Variants in MACC1 observed in about 807,000 individuals in gnomAD.
MACC1 encodes the protein metastasis-associated in colon cancer protein 1.
In MACC1, 79 loss-of-function variants were observed where a neutral mutation model predicts 70.7. The observed-to-expected ratio is 1.12, with a 90% CI of 0.93 to 1.35. MACC1 has a LOEUF of 1.35. Ranked by LOEUF, MACC1 falls within the 40% of genes most tolerant of loss-of-function variation. MACC1 has a pLI of 0.00. For missense variants in MACC1, 1,106 were observed against 978.1 expected (o/e 1.13, Z -1.74); for synonymous variants, 361 against 347.2 (o/e 1.04, Z -0.44).
At chr7:20,149,049 C>A (rs911084692) in intron 6 of MACC1, among the ~76,000 whole-genome samples, 16 of 152,280 alleles carry the variant, frequency 1.1e-4, no homozygotes, top group African/African-American at 3.6e-4. Flanking sequence ...GCCATGTAAG[C>A]CAGAAAACCA....
At chr7:20,170,540 G>C (rs971870542) in intron 2 of MACC1, 174 bp downstream of exon 2, 1 of 152,162 alleles carries the variant, frequency 6.6e-6, no homozygotes, top group Admixed American at 6.5e-5. Context: ...TCTCTGAAGG[G>C]GAAAATGTAA....
chr7:20,173,812 C>G (rs998385327), intron 1 of MACC1, among the ~76,000 whole-genome samples: 21 of 152,142 alleles, frequency 1.4e-4, no homozygotes, highest in African/African-American at 4.3e-4. Flanking sequence ...GCTGGGGTCA[C>G]TGAGATTGAT....
chr7:20,196,724 G>A (rs1048896090), intron 1 of MACC1, among the ~76,000 whole-genome samples: 1 of 151,984 alleles, frequency 6.6e-6, no homozygotes, highest in Non-Finnish European at 1.5e-5. Context: ...CATTTAAATT[G>A]TTCCAAACAT....
At chr7:20,143,555 A>T (rs1378110513) in intron 6 of MACC1, among the ~76,000 whole-genome samples, 13 of 151,012 alleles carry the variant, frequency 8.6e-5, no homozygotes, top group South Asian at 2.1e-4. Context: ...CGCCCAGCTA[A>T]TTTTTTTGTA....
chr7:20,215,943 A>G (rs1423345435), intron 1 of MACC1, among the ~76,000 whole-genome samples: 1 of 152,222 alleles, frequency 6.6e-6, no homozygotes, highest in Non-Finnish European at 1.5e-5. Context: ...TTTAAAAATG[A>G]GTCATAACTA....
At chr7:20,197,464 T>A (rs896206719) in intron 1 of MACC1, among the ~76,000 whole-genome samples, 1 of 152,240 alleles carries the variant, frequency 6.6e-6, no homozygotes, top group Non-Finnish European at 1.5e-5. Flanking sequence ...TTTTGTGGAA[T>A]CTTAGTGACT....
chr7:20,169,807 T>C (rs1429461962), intron 2 of MACC1, among the ~76,000 whole-genome samples: 1 of 152,208 alleles, frequency 6.6e-6, no homozygotes, highest in Non-Finnish European at 1.5e-5. Context: ...TATCAACATA[T>C]AATAACCCCA....
At chr7:20,213,313 A>G (rs1461003770) in intron 1 of MACC1, among the ~76,000 whole-genome samples, 3 of 152,254 alleles carry the variant, frequency 2.0e-5, no homozygotes, top group Non-Finnish European at 2.9e-5. Flanking sequence ...AGGAACGCTT[A>G]TATGCCATTG....
chr7:20,175,802 A>G (rs1468559561), intron 1 of MACC1, among the ~76,000 whole-genome samples: 2 of 152,164 alleles, frequency 1.3e-5, no homozygotes, highest in African/African-American at 4.8e-5. Flanking sequence ...ATAAAACCTA[A>G]TGCTAATATG....
At chr7:20,189,827 T>C (rs1359964944) in intron 1 of MACC1, among the ~76,000 whole-genome samples, 1 of 151,386 alleles carries the variant, frequency 6.6e-6, no homozygotes, top group Admixed American at 6.6e-5. Context: ...AAGACTTAGC[T>C]CAGGCTTCTG....
intron 1 of MACC1, among the ~76,000 whole-genome samples, chr7:20,181,077 GCT>G (rs1054539167): frequency 6.1e-5 from 7 of 115,232 alleles, no homozygotes; most frequent in African/African-American, 2.6e-4. Context: ...GGATGTATGT[GCT>G]CTGTGTGTGT....
intron 1 of MACC1, among the ~76,000 whole-genome samples, chr7:20,191,347 C>T (rs771367024): frequency 1.3e-5 from 2 of 152,206 alleles, no homozygotes; most frequent in Non-Finnish European, 2.9e-5. Context: ...CACAGGAGGG[C>T]ATACCCATGT....
At chr7:20,188,823 T>C (rs770852091) in intron 1 of MACC1, among the ~76,000 whole-genome samples, 12 of 152,350 alleles carry the variant, frequency 7.9e-5, no homozygotes, top group Admixed American at 2.6e-4. Flanking sequence ...CTCCTTAAAA[T>C]AGTCAGATTA....
chr7:20,148,643 C>T (rs574031659), intron 6 of MACC1, among the ~76,000 whole-genome samples: 1 of 152,208 alleles, frequency 6.6e-6, no homozygotes, highest in Non-Finnish European at 1.5e-5. Flanking sequence ...CAATGTGTTA[C>T]CCCAGAAATT....
chr7:20,199,509 T>C (rs1362521189), intron 1 of MACC1, among the ~76,000 whole-genome samples: 2 of 152,232 alleles, frequency 1.3e-5, no homozygotes, highest in African/African-American at 2.4e-5. Context: ...TGGCAACCAC[T>C]TGGCCTGAAA....
At chr7:20,213,777 C>T (rs1183042763) in intron 1 of MACC1, among the ~76,000 whole-genome samples, 1 of 151,946 alleles carries the variant, frequency 6.6e-6, no homozygotes, top group Non-Finnish European at 1.5e-5. Flanking sequence ...TGGGAGGAGG[C>T]AGAGGGTCAA....
At position 20,139,863 on chromosome 7, in the gene MACC1, T is replaced by C. The variant is rs868676612; in HGVS notation, c.*1083A>G. 112 of 146,966 alleles carry C rather than the reference T, an allele frequency of 7.6e-4. No individual in the cohort carries two copies. Among genetic ancestry groups the C allele is most frequent in the Middle Eastern group, 3.5e-3 (1 of 284 alleles). 9.1% of individuals were successfully genotyped at this position (146,966 alleles called of 1,614,324 possible). A position where few individuals can be genotyped will look rare whatever the true frequency, so the allele number is the denominator to read the frequency against. On this transcript the variant is annotated 3_prime_UTR_variant, in exon 7 of 7. Transcript: ENST00000400331. Reference sequence around the variant, plus strand: ...ACACACACACACACACACACACACATGTGTTTGCATGAGCATGCCAACATA... The same window carrying C: ...ACACACACACACACACACACACACACGTGTTTGCATGAGCATGCCAACATA...
At chr7:20,160,369 T>A in intron 4 of MACC1, 124 bp from the exon 5 acceptor site, 1 of 1,116,702 alleles carries the variant, frequency 9.0e-7, no homozygotes, top group Non-Finnish European at 1.2e-6. Flanking sequence ...TTCTGATCTC[T>A]AGTCTACTAG....
At chr7:20,217,221 T>C (rs935590833) in intron 1 of MACC1, 78 bp downstream of exon 1, 1 of 152,230 alleles carries the variant, frequency 6.6e-6, no homozygotes, top group South Asian at 2.1e-4. Flanking sequence ...TACATTTTTC[T>C]GGAAATTATA....
Sources: allele counts gnomAD v4.1 joint callset (sites outside exome capture counted in the v4.1 genomes callset), GRCh38; gene constraint gnomAD v4.1.1; transcripts MANE v1.5; gene names NCBI Gene and HGNC (gene_info 2026-07-23, HGNC 2026-07-21).